PRDM6: variants seen among roughly 807,000 people sequenced by gnomAD.
PRDM6 encodes putative histone-lysine N-methyltransferase PRDM6.
A neutral mutation model predicts 60.8 loss-of-function variants in PRDM6; 25 were observed. The observed-to-expected ratio is 0.41, with a 90% CI of 0.30 to 0.57. The LOEUF (loss-of-function observed/expected upper bound fraction) is 0.57. PRDM6 is among the 20% of genes least tolerant of loss of function. The pLI, the probability that PRDM6 is intolerant of heterozygous loss-of-function variation, is 0.27. For missense variants in PRDM6, 839 were observed against 821.3 expected (o/e 1.02, Z -0.26); for synonymous variants, 407 against 357.4 (o/e 1.14, Z -1.57).
intron 3 of PRDM6, among the ~76,000 whole-genome samples, chr5:123,145,098 C>T (rs1172394442): frequency 6.6e-6 from 1 of 152,186 alleles, no homozygotes; most frequent in East Asian, 1.9e-4. Flanking sequence ...TCCTTGCATG[C>T]TTGTTTAATG....
intron 2 of PRDM6, among the ~76,000 whole-genome samples, chr5:123,093,071 G>A (rs1395963873): frequency 6.6e-6 from 1 of 152,126 alleles, no homozygotes; most frequent in African/African-American, 2.4e-5. Flanking sequence ...AAGGAAGGGT[G>A]GAGGCAGAGG....
chr5:123,094,883 A>G (rs1162100431), intron 2 of PRDM6, among the ~76,000 whole-genome samples: 1 of 152,186 alleles, frequency 6.6e-6, no homozygotes, highest in East Asian at 1.9e-4. Context: ...CGGAAGACAA[A>G]TAAGACCCAC....
At chr5:123,124,309 G>A (rs191131944) in intron 3 of PRDM6, among the ~76,000 whole-genome samples, 294 of 152,292 alleles carry the variant, frequency 1.9e-3, no homozygotes, top group Non-Finnish European at 3.5e-3. Context: ...GTCCACTTTA[G>A]ACACTCGCAT....
chr5:123,141,923 A>T (rs1211016110), intron 3 of PRDM6, among the ~76,000 whole-genome samples: 3 of 152,156 alleles, frequency 2.0e-5, no homozygotes, highest in African/African-American at 7.2e-5. Context: ...AACCAGGCTG[A>T]TTCACTCCAT....
At chr5:123,102,827 G>A (rs1422818764) in intron 3 of PRDM6, among the ~76,000 whole-genome samples, 2 of 151,904 alleles carry the variant, frequency 1.3e-5, no homozygotes, top group African/African-American at 4.8e-5. Flanking sequence ...ATCTTTTCCT[G>A]TCACTATTTC....
chr5:123,173,014 AC>A (rs1462846540), intron 6 of PRDM6, among the ~76,000 whole-genome samples: 2 of 152,034 alleles, frequency 1.3e-5, no homozygotes, highest in African/African-American at 4.8e-5. Flanking sequence ...ACACGGTGAA[AC>A]CCTGTCTCTA....
intron 5 of PRDM6, among the ~76,000 whole-genome samples, chr5:123,170,157 T>A (rs1333796792): frequency 1.3e-5 from 2 of 152,072 alleles, no homozygotes; most frequent in African/African-American, 4.8e-5. Context: ...AGTGACCAGA[T>A]CCCATGCCCT....
chr5:123,089,917 C>A, intron 1 of PRDM6, 83 bp from the exon 2 acceptor site: 1 of 1,062,668 alleles, frequency 9.4e-7, no homozygotes, highest in Non-Finnish European at 1.3e-6. Context: ...GGCTCGGGCA[C>A]TTTCTCCAGG....
intron 3 of PRDM6, among the ~76,000 whole-genome samples, chr5:123,146,881 C>G (rs1235294781): frequency 6.6e-6 from 1 of 152,112 alleles, no homozygotes; most frequent in Non-Finnish European, 1.5e-5. Context: ...GAAAGCTGCC[C>G]TTTGTTTACA....
intron 3 of PRDM6, among the ~76,000 whole-genome samples, chr5:123,111,022 A>C (rs335190): frequency 0.2 from 29,721 of 151,994 alleles, 3,069 homozygotes; most frequent in African/African-American, 0.22. Context: ...AGCTGGCTGA[A>C]CTTCAGCAAA....
At chr5:123,146,462 G>A (rs1403389994) in intron 3 of PRDM6, among the ~76,000 whole-genome samples, 1 of 152,032 alleles carries the variant, frequency 6.6e-6, no homozygotes, top group African/African-American at 2.4e-5. Context: ...TTATTTGTAG[G>A]ATTATTTTAA....
intron 5 of PRDM6, among the ~76,000 whole-genome samples, chr5:123,165,372 A>G (rs1765730535): frequency 1.3e-5 from 2 of 152,070 alleles, no homozygotes; most frequent in Non-Finnish European, 2.9e-5. Context: ...CTTCTATCCA[A>G]TCAGCCACCA....
At chr5:123,169,991 C>T (rs1246610678) in intron 5 of PRDM6, among the ~76,000 whole-genome samples, 3 of 152,184 alleles carry the variant, frequency 2.0e-5, no homozygotes, top group African/African-American at 7.2e-5. Context: ...TCAGGTCTCT[C>T]TCAAGCCCTT....
In PRDM6 at chr5:123,170,838, A is replaced by G. The variant is rs759717526; in HGVS notation, c.1226A>G (p.Lys409Arg). Reference sequence around the variant, plus strand: ...CTGCAGCCCTTCAACAAAAGCAGCAAACTCGCCCCTACCACCCAGCAGCGC... The same window carrying G: ...CTGCAGCCCTTCAACAAAAGCAGCAGACTCGCCCCTACCACCCAGCAGCGC... Reference protein sequence around the residue: ...DALQPFNKSSKLAPTTQQRSV... With the variant: ...DALQPFNKSSRLAPTTQQRSV... The change falls in exon 6 of 8, where the codon AAA becomes AGA. Residue 409 changes from lysine to arginine, a missense_variant. Lys to Arg is a conservative substitution (Grantham distance 26). Around this residue, in one of 2 missense-constraint regions of PRDM6, gnomAD observed 730 missense variants for 648.8 expected, o/e 1.13. Transcript: ENST00000407847. 2.4e-5 allele frequency: 38 copies of G among 1,552,140 alleles called. No homozygotes were observed. The highest frequency in any genetic ancestry group is 3.1e-5 in the Non-Finnish European group (35 of 1,147,134).
At chr5:123,152,811 C>A (rs1561858422) in intron 3 of PRDM6, among the ~76,000 whole-genome samples, 1 of 152,140 alleles carries the variant, frequency 6.6e-6, no homozygotes, top group Non-Finnish European at 1.5e-5. Flanking sequence ...TTCCTAATAT[C>A]CAGGATCACA....
chr5:123,126,073 T>C (rs139761749), intron 3 of PRDM6, among the ~76,000 whole-genome samples: 1,898 of 152,316 alleles, frequency 0.012, 19 homozygotes, highest in Middle Eastern at 0.051. Flanking sequence ...GTTACTGCTT[T>C]AAGAACTCAA....
Position 123,192,864 on chromosome 5 carries a change from G to A in PRDM6, c.*5663G>A, listed in dbSNP as rs1766458325. On this transcript the variant is annotated 3_prime_UTR_variant, in exon 8 of 8. Coordinates refer to ENST00000407847, the MANE Select transcript of PRDM6 (RefSeq NM_001136239.4). ...GTGTGCATTAAGAATATGGGCTTAT[G>A]TTGTTAGCCTGTTGGTTTAAAGCAG... 1 of 152,224 alleles carries A rather than the reference G, an allele frequency of 6.6e-6. No homozygotes were observed. Among genetic ancestry groups the A allele is most frequent in the Non-Finnish European group, 1.5e-5 (1 of 68,056 alleles). The allele number at this position is 152,224 out of a possible 1,614,324, so 9.4% of individuals were successfully genotyped here.
intron 3 of PRDM6, among the ~76,000 whole-genome samples, chr5:123,114,575 A>T (rs1382865176): frequency 6.6e-6 from 1 of 152,224 alleles, no homozygotes; most frequent in Non-Finnish European, 1.5e-5. Context: ...TCTGCTAAAA[A>T]ATTAATTTTT....
At chr5:123,186,548 C>A (rs1041795854) in intron 7 of PRDM6, among the ~76,000 whole-genome samples, 1 of 152,156 alleles carries the variant, frequency 6.6e-6, no homozygotes, top group Non-Finnish European at 1.5e-5. Context: ...ACACTGTAAC[C>A]AGCTTTTGCA....
Sources: gnomAD v4.1 joint callset for allele counts (sites outside exome capture counted in the v4.1 genomes callset) on GRCh38, gnomAD v4.1.1 for gene constraint, gnomAD v4.1.1 regional missense constraint, MANE v1.5 for transcripts, NCBI Gene and HGNC (gene_info 2026-07-23, HGNC 2026-07-21) for gene names.